Variants in BDNF observed in about 807,000 individuals in gnomAD.
BDNF encodes the protein brain derived neurotrophic factor.
BDNF carries 1 observed loss-of-function variant against 19.5 expected under a neutral mutation model. That is an observed-to-expected ratio of 0.05 (90% CI 0.02 to 0.24). The LOEUF is 0.24. BDNF is among the 10% of genes least tolerant of loss of function. The pLI, the probability that BDNF is intolerant of heterozygous loss-of-function variation, is 1.00. For missense variants in BDNF, 195 were observed against 317.6 expected, an observed-to-expected ratio of 0.61 and a Z score of 2.93; for synonymous variants, 100 against 121.6, an observed-to-expected ratio of 0.82 and a Z score of 1.17.
At chr11:27,703,879 T>C (rs749526612), upstream of BDNF, among the ~76,000 whole-genome samples, 3 of 152,222 alleles carry the variant, frequency 2.0e-5, no homozygotes, top group Non-Finnish European at 1.5e-5. Context: ...CATGTACTTA[T>C]TTGCCTTAAA....
Position 27,657,832 on chromosome 11 carries a change from T to C in BDNF, c.733A>G (p.Arg245Gly), listed in dbSNP as rs2133779820. ...ACAACATAAATCCACTATCTTCCCC[T>C]TTTAATGGTCAATGTACATACACAA... ...TSCVCTLTIK[R>G]GR is the part of the protein sequence containing the mutation. Residue 245 changes from arginine to glycine, a missense_variant, in exon 2 of 2, where the codon AGG becomes GGG. Physicochemically the swap from Arg to Gly is moderately radical, Grantham distance 125 (BLOSUM62 -2). Transcript: ENST00000356660. The surrounding 1 kb of genome is among the most constrained non-coding windows in gnomAD (Gnocchi z 5.0). 6.2e-7 allele frequency: 1 copy of C among 1,613,878 alleles called. No individual in the cohort carries two copies. Among genetic ancestry groups the C allele is most frequent in the Non-Finnish European group, 8.5e-7 (1 of 1,179,710 alleles).
intron 1 of BDNF, among the ~76,000 whole-genome samples, chr11:27,680,798 C>G (rs1200892930): frequency 2.0e-5 from 3 of 152,158 alleles, no homozygotes; most frequent in Admixed American, 2.0e-4. Flanking sequence ...TAAAAAGTTA[C>G]CATTTATTCA....
At chr11:27,699,043 G>C (rs1488513461) in intron 1 of BDNF, among the ~76,000 whole-genome samples, 2 of 151,968 alleles carry the variant, frequency 1.3e-5, no homozygotes, top group Non-Finnish European at 2.9e-5. Flanking sequence ...CCTCCTACCA[G>C]CTCTCTAAGG....
intron 1 of BDNF, among the ~76,000 whole-genome samples, chr11:27,710,569 A>G (rs1001255670): frequency 3.3e-5 from 5 of 152,218 alleles, no homozygotes; most frequent in African/African-American, 1.2e-4. Context: ...AGGAAAGCCA[A>G]TAAACATTCT....
chr11:27,701,651 C>T (rs887566387), upstream of BDNF: 10 of 984,958 alleles, frequency 1.0e-5, no homozygotes, highest in Non-Finnish European at 1.2e-5. Context: ...CACGAGAGGG[C>T]TCCACGGTGC....
At chr11:27,670,694 C>G (rs528771345) in intron 1 of BDNF, among the ~76,000 whole-genome samples, 1 of 152,276 alleles carries the variant, frequency 6.6e-6, no homozygotes, top group East Asian at 1.9e-4. Flanking sequence ...AAATGCAAAT[C>G]AAAACCACAA....
At chr11:27,698,814 T>G (rs1859507236) in intron 1 of BDNF, among the ~76,000 whole-genome samples, 1 of 152,170 alleles carries the variant, frequency 6.6e-6, no homozygotes, top group South Asian at 2.1e-4. Context: ...GAAAATGTTC[T>G]TTGGTTGCTA....
intron 1 of BDNF, among the ~76,000 whole-genome samples, chr11:27,692,341 T>A (rs1439031167): frequency 6.6e-6 from 1 of 152,136 alleles, no homozygotes. Context: ...CCTTTCTTCC[T>A]TCCTTCCCTT....
At chr11:27,674,876 T>A in intron 1 of BDNF, 1 of 905,860 alleles carries the variant, frequency 1.1e-6, no homozygotes. Context: ...ATGCTCTGGA[T>A]AGCTGGAAAA....
chr11:27,682,347 G>C (rs1009435442), intron 1 of BDNF, among the ~76,000 whole-genome samples: 1 of 151,406 alleles, frequency 6.6e-6, no homozygotes, highest in African/African-American at 2.4e-5. Context: ...TGCTGAATGT[G>C]TTTGAGAATC....
At chr11:27,674,412 C>T (rs1428177204) in intron 1 of BDNF, 8 of 1,463,232 alleles carry the variant, frequency 5.5e-6, no homozygotes, top group Non-Finnish European at 7.2e-6. Context: ...AATATGTTCT[C>T]CTAGCCACTG....
At chr11:27,700,520 GCCCCCCCCCCCCCGCC>G (rs1169568990), upstream of BDNF, 22 of 736,026 alleles carry the variant, frequency 3.0e-5, no homozygotes, top group African/African-American at 2.1e-4. Flanking sequence ...AAACGGCGCC[GCCCCCCCCCCCCCGCC>G]CCCCGCCCCC....
intron 1 of BDNF, among the ~76,000 whole-genome samples, chr11:27,671,243 A>C (rs927929148): frequency 6.6e-5 from 10 of 152,032 alleles, no homozygotes; most frequent in African/African-American, 2.4e-4. Context: ...CCAACATGGC[A>C]CATGTATACA....
intron 1 of BDNF, among the ~76,000 whole-genome samples, chr11:27,669,019 T>A (rs11030105): frequency 6.6e-6 from 1 of 152,144 alleles, no homozygotes; most frequent in Admixed American, 6.5e-5. Context: ...AGTAAAATAC[T>A]GGCAAACCGA....
At chr11:27,705,331 A>C (rs1211578483), upstream of BDNF, among the ~76,000 whole-genome samples, 1 of 152,182 alleles carries the variant, frequency 6.6e-6, no homozygotes, top group Admixed American at 6.5e-5. Flanking sequence ...ATTTAAACCA[A>C]AGGGTTTCAG....
intron 1 of BDNF, among the ~76,000 whole-genome samples, chr11:27,687,462 T>C (rs983889341): frequency 5.9e-5 from 9 of 152,164 alleles, no homozygotes; most frequent in Admixed American, 6.5e-5. Context: ...TGGCAAAGAG[T>C]TGTGCTCCCT....
Position 27,700,422 on chromosome 11 carries a change from GCGGCAGCGT to G in BDNF, c.-289_-281del. 1.0e-6 allele frequency: 1 copy of G among 985,614 alleles called. No individual in the cohort carries two copies. Among genetic ancestry groups the G allele is most frequent in the Non-Finnish European group, 1.2e-6 (1 of 830,028 alleles). 61.1% of individuals were successfully genotyped at this position (985,614 alleles called of 1,614,324 possible). On this transcript the variant is annotated 5_prime_UTR_variant, in exon 1 of 2. Coordinates refer to ENST00000356660, the MANE Select transcript of BDNF (RefSeq NM_001709.5). ...CGGGCGGGTGCGCCCGGGCGCGGCG[GCGGCAGCGT>G]CGGGGACCCGGAGCTCCAGGCTGCG...
chr11:27,703,786 C>T (rs1032604933), upstream of BDNF, among the ~76,000 whole-genome samples: 1 of 152,196 alleles, frequency 6.6e-6, no homozygotes, highest in African/African-American at 2.4e-5. Flanking sequence ...TGATGAATCA[C>T]ACCTCTTAAC....
At position 27,659,642 on chromosome 11, in the gene BDNF, T is replaced by TGCGCGCGC; in HGVS notation, c.-21-1058_-21-1057insGCGCGCGC. 3.0e-6 allele frequency: 3 copies of TGCGCGCGC among 998,066 alleles called. No individual in the cohort carries two copies. The South Asian group carries it at 1.4e-4, about 47-fold the overall frequency. 61.8% of individuals were successfully genotyped at this position (998,066 alleles called of 1,614,324 possible). A position where few individuals can be genotyped will look rare whatever the true frequency, so the allele number is the denominator to read the frequency against. ...GAGATGTTCTCTCTGTGTGTGTGTG[T>TGCGCGCGC]GTGTGTGCGCGCGCGCGTGTGCGCG... On this transcript the variant is annotated intron_variant, in intron 1 of 1. Transcript: ENST00000356660.
Sources: gnomAD v4.1 joint callset for allele counts (sites outside exome capture counted in the v4.1 genomes callset) on GRCh38, gnomAD v4.1.1 for gene constraint, Gnocchi (gnomAD v3.1) non-coding constraint, MANE v1.5 for transcripts, NCBI Gene and HGNC (gene_info 2026-07-23, HGNC 2026-07-21) for gene names.